ADAMTS17: variants seen among roughly 807,000 people sequenced by gnomAD.
ADAMTS17 encodes A disintegrin and metalloproteinase with thrombospondin motifs 17.
ADAMTS17 carries 113 observed loss-of-function variants against 141.5 expected under a neutral mutation model. The observed-to-expected ratio is 0.80, with a 90% CI of 0.69 to 0.93. ADAMTS17 has a LOEUF of 0.93. Among genes scored for constraint, ADAMTS17 ranks in the 40% least tolerant of loss-of-function variants. The pLI is 0.00. For missense variants in ADAMTS17, 1,659 were observed against 1,517.9 expected (o/e 1.09, Z -1.54); for synonymous variants, 768 against 630.6 (o/e 1.22, Z -3.27).
At position 99,974,342 on chromosome 15, in the gene ADAMTS17, T is replaced by C. The variant is rs947418673; in HGVS notation, c.*60A>G. 2.5e-6 allele frequency: 4 copies of C among 1,610,498 alleles called. No homozygotes were observed. The highest frequency in any genetic ancestry group is 3.4e-6 in the Non-Finnish European group (4 of 1,178,890). On this transcript the variant is annotated 3_prime_UTR_variant, in exon 22 of 22. Coordinates refer to ENST00000268070, the MANE Select transcript of ADAMTS17 (RefSeq NM_139057.4). ...GGGCGTGGCCACAAGGCTGGTAGGC[T>C]TGCGGGTGGGTGGGTTTCAGACCTG...
In ADAMTS17 at chr15:100,047,474, C is replaced by T. The variant is rs145064925; in HGVS notation, c.2591+1383G>A. On this transcript the variant is annotated intron_variant, in intron 18 of 21. Coordinates refer to ENST00000268070, the MANE Select transcript of ADAMTS17 (RefSeq NM_139057.4). ...ACCTGCTGACATGTGATGTCTCCCC[C>T]GGATGCCCAGCTTTAAAATTTCTCT... is the stretch of plus-strand genomic sequence containing the variant. 2.7e-4 allele frequency among the ~76,000 whole-genome samples: 41 copies of T among 151,890 alleles called. No individual in the cohort carries two copies. The East Asian group carries it at 4.5e-3, about 17-fold the overall frequency.
In ADAMTS17 at chr15:100,176,498, T is replaced by C. The variant is rs182426678; in HGVS notation, c.1182-21178A>G. 3.9e-3 allele frequency among the ~76,000 whole-genome samples: 594 copies of C among 152,300 alleles called. 5 individuals are homozygous for C. The highest frequency in any genetic ancestry group is 0.011 in the African/African-American group (471 of 41,568). ...ATTTTATCTTTTCTCTGTATAGCTA[T>C]GGAAAGGAAAAACACAGGTAGGTTG... On this transcript the variant is annotated intron_variant, in intron 8 of 21. Transcript: ENST00000268070.
chr15:100,115,045 G>C (rs1003999909), intron 13 of ADAMTS17, among the ~76,000 whole-genome samples: 16 of 152,230 alleles, frequency 1.1e-4, no homozygotes, highest in African/African-American at 3.9e-4. Context: ...GTCTGTCCCA[G>C]ACCTGACCTC....
chr15:100,191,005 C>T (rs2040897308), intron 8 of ADAMTS17, among the ~76,000 whole-genome samples: 1 of 152,162 alleles, frequency 6.6e-6, no homozygotes, highest in South Asian at 2.1e-4. Flanking sequence ...TCTGGACATC[C>T]CTTCCAGCTC....
At chr15:100,138,620 T>C (rs1436115962) in intron 10 of ADAMTS17, among the ~76,000 whole-genome samples, 1 of 152,082 alleles carries the variant, frequency 6.6e-6, no homozygotes, top group Non-Finnish European at 1.5e-5. Flanking sequence ...ATATAAAAGA[T>C]GGGTTAAGAG....
intron 4 of ADAMTS17, among the ~76,000 whole-genome samples, chr15:100,278,844 G>A (rs12324852): frequency 0.12 from 17,916 of 152,120 alleles, 1,317 homozygotes; most frequent in African/African-American, 0.22. Context: ...TTGACATGGT[G>A]GTCATAGCTC....
intron 8 of ADAMTS17, among the ~76,000 whole-genome samples, chr15:100,160,279 C>T (rs541323644): frequency 1.3e-5 from 2 of 152,292 alleles, no homozygotes; most frequent in African/African-American, 2.4e-5. Flanking sequence ...GGGCACAAGT[C>T]GATGGAGGAT....
At chr15:100,123,923 A>C (rs2037583297) in intron 12 of ADAMTS17, among the ~76,000 whole-genome samples, 1 of 151,844 alleles carries the variant, frequency 6.6e-6, no homozygotes, top group Non-Finnish European at 1.5e-5. Flanking sequence ...TGGGTTTTTT[A>C]ATTTGAATTT....
At chr15:99,978,822 G>A (rs2060421974) in intron 20 of ADAMTS17, 3 of 152,208 alleles carry the variant, frequency 2.0e-5, no homozygotes, top group Admixed American at 1.3e-4. Flanking sequence ...GGTGGAGGGG[G>A]TCCCAAGACC....
intron 18 of ADAMTS17, among the ~76,000 whole-genome samples, chr15:100,027,042 A>C (rs2061528332): frequency 6.6e-6 from 1 of 152,232 alleles, no homozygotes; most frequent in African/African-American, 2.4e-5. Context: ...CAAGTGGAGA[A>C]TACAGGTGAA....
Position 100,330,878 on chromosome 15 carries a change from C to A in ADAMTS17, c.616+11G>T, listed in dbSNP as rs201890291. On this transcript the variant is annotated intron_variant, in intron 3 of 21. Coordinates refer to ENST00000268070, the MANE Select transcript of ADAMTS17 (RefSeq NM_139057.4). The stretch of plus-strand genomic sequence containing the variant: ...GTGTTCTAAGCTGGTCATGCTGCTG[C>A]CCCGACTCACCTGTTAGAACCTTGC... The A allele has an allele frequency of 3.7e-5, 60 of 1,613,870 alleles. No individual in the cohort carries two copies. In the Admixed American group the frequency reaches 9.8e-4, roughly 26 times the overall value.
At position 100,021,269 on chromosome 15, in the gene ADAMTS17, G is replaced by T. The variant is rs552682448; in HGVS notation, c.2592-23680C>A. ...CACTCTGCTAGTCCCCATCACTGAA[G>T]CCTAGTGGCCACTTCCTTTCCAAAG... On this transcript the variant is annotated intron_variant, in intron 18 of 21. Transcript: ENST00000268070. Among the ~76,000 whole-genome samples the T allele has an allele frequency of 5.9e-5, 9 of 152,292 alleles. No individual in the cohort carries two copies. The East Asian group carries it at 1.7e-3, about 29-fold the overall frequency.
intron 4 of ADAMTS17, among the ~76,000 whole-genome samples, chr15:100,270,551 C>T (rs774224553): frequency 2.0e-5 from 3 of 151,844 alleles, no homozygotes; most frequent in Non-Finnish European, 4.4e-5. Context: ...GCACTGAATC[C>T]TTCGCAAAGG....
intron 20 of ADAMTS17, among the ~76,000 whole-genome samples, chr15:99,989,334 G>A (rs947992477): frequency 6.6e-6 from 1 of 152,220 alleles, no homozygotes; most frequent in African/African-American, 2.4e-5. Context: ...ACCACTTCTT[G>A]CCTCCACTCC....
intron 15 of ADAMTS17, among the ~76,000 whole-genome samples, chr15:100,089,838 T>TCGGGGGGAG (rs2035340461): frequency 1.3e-5 from 1 of 75,158 alleles, no homozygotes; most frequent in African/African-American, 3.8e-5. Context: ...GTTGTGGGGT[T>TCGGGGGGAG]GGGGGAGGGG....
chr15:99,975,633 G>A (rs1000538941), intron 21 of ADAMTS17, among the ~76,000 whole-genome samples: 6 of 152,130 alleles, frequency 3.9e-5, no homozygotes, highest in Middle Eastern at 3.2e-3. Context: ...CTCCAACCAC[G>A]CCTGTCTGCT....
chr15:100,311,294 C>A (rs532535607), intron 3 of ADAMTS17, among the ~76,000 whole-genome samples: 4 of 152,292 alleles, frequency 2.6e-5, no homozygotes, highest in African/African-American at 9.6e-5. Flanking sequence ...CTCTCCACCC[C>A]CACCGCCCCC....
At chr15:100,182,982 A>G (rs1426323150) in intron 8 of ADAMTS17, among the ~76,000 whole-genome samples, 1 of 151,450 alleles carries the variant, frequency 6.6e-6, no homozygotes, top group Non-Finnish European at 1.5e-5. Context: ...TGCTTCTGGG[A>G]TTCTTTTTCT....
chr15:100,155,496 G>T (rs1463998998), intron 8 of ADAMTS17, among the ~76,000 whole-genome samples, 176 bp from the exon 9 acceptor site: 1 of 152,214 alleles, frequency 6.6e-6, no homozygotes, highest in Admixed American at 6.5e-5. Flanking sequence ...AATAGAGGGT[G>T]AGGATTTGCT....
Sources: gnomAD v4.1 joint callset for allele counts (sites outside exome capture counted in the v4.1 genomes callset) on GRCh38, gnomAD v4.1.1 for gene constraint, MANE v1.5 for transcripts, NCBI Gene and HGNC (gene_info 2026-07-23, HGNC 2026-07-21) for gene names.